SAMD13: variants seen among roughly 807,000 people sequenced by gnomAD.
SAMD13 encodes sterile alpha motif domain-containing protein 13.
A neutral mutation model predicts 12.4 loss-of-function variants in SAMD13; 9 were observed. The observed-to-expected ratio is 0.72, with a 90% CI of 0.44 to 1.26. The LOEUF (loss-of-function observed/expected upper bound fraction) is 1.26, where lower values mean the gene tolerates loss of function less well. SAMD13 is among the 50% of genes most tolerant of loss of function. SAMD13 has a pLI of 0.00. For synonymous variants in SAMD13, 46 were observed against 45.4 expected, an observed-to-expected ratio of 1.01 and a Z score of -0.05; for missense variants, 84 against 119.6, an observed-to-expected ratio of 0.70 and a Z score of 1.39.
At chr1:84,310,937 C>T (rs1678695899) in intron 2 of SAMD13, among the ~76,000 whole-genome samples, 1 of 152,132 alleles carries the variant, frequency 6.6e-6, no homozygotes, top group Non-Finnish European at 1.5e-5. Context: ...TTTTGTTCCT[C>T]TTTAGCTAGG....
At chr1:84,322,284 CAATGA>C (rs1162847376) in intron 2 of SAMD13, among the ~76,000 whole-genome samples, 1 of 152,044 alleles carries the variant, frequency 6.6e-6, no homozygotes, top group Non-Finnish European at 1.5e-5. Context: ...TCTGTTGTGT[CAATGA>C]ATAAGTATAG....
rs138269833 is a variant in SAMD13 at position 84,303,847 on chromosome 1, G to A, written c.53+560G>A. ...TGAAACTTGTGTTTATATGTGTCAT[G>A]TAAGAGTTATATATTTGATTATTTT... On this transcript the variant is annotated intron_variant, in intron 2 of 3. Coordinates refer to ENST00000394834, the MANE Select transcript of SAMD13 (RefSeq NM_001134663.2). 1,063 of 152,376 alleles carry A rather than the reference G, an allele frequency of 7.0e-3. 17 individuals carry two copies. Among genetic ancestry groups the A allele is most frequent in the African/African-American group, 0.024 (983 of 41,540 alleles). 9.4% of individuals were successfully genotyped at this position (152,376 alleles called of 1,614,324 possible).
upstream of SAMD13, among the ~76,000 whole-genome samples, chr1:84,298,925 T>C (rs1057190106): frequency 6.6e-6 from 1 of 152,010 alleles, no homozygotes; most frequent in African/African-American, 2.4e-5. Context: ...GCCCCCACAC[T>C]AAACGCCAGC....
intron 3 of SAMD13, among the ~76,000 whole-genome samples, chr1:84,333,406 C>T (rs1169011274): frequency 6.6e-6 from 1 of 152,092 alleles, no homozygotes; most frequent in Non-Finnish European, 1.5e-5. Context: ...TTGTAGTTCT[C>T]ATTGTAAAGA....
chr1:84,347,565 T>C (rs1195364736), intron 3 of SAMD13, among the ~76,000 whole-genome samples: 1 of 152,218 alleles, frequency 6.6e-6, no homozygotes, highest in Non-Finnish European at 1.5e-5. Flanking sequence ...ATGAAAGCAG[T>C]GTCATCTCTT....
At chr1:84,322,143 C>T (rs1352868254) in intron 2 of SAMD13, among the ~76,000 whole-genome samples, 1 of 152,204 alleles carries the variant, frequency 6.6e-6, no homozygotes, top group Admixed American at 6.5e-5. Flanking sequence ...GAATATTCCT[C>T]AGAGCTAGCT....
At chr1:84,302,970 G>A (rs1390259662) in intron 1 of SAMD13, 2 of 370,122 alleles carry the variant, frequency 5.4e-6, no homozygotes, top group African/African-American at 2.0e-5. Flanking sequence ...ATTTGCAAAT[G>A]CTTATTGTCA....
chr1:84,337,309 C>T (rs772762218), intron 3 of SAMD13, among the ~76,000 whole-genome samples: 4 of 152,182 alleles, frequency 2.6e-5, no homozygotes, highest in African/African-American at 7.2e-5. Flanking sequence ...CATGAAAGCC[C>T]CACCCTTGCA....
At chr1:84,341,815 A>G (rs1679432590) in intron 3 of SAMD13, among the ~76,000 whole-genome samples, 1 of 152,150 alleles carries the variant, frequency 6.6e-6, no homozygotes, top group African/African-American at 2.4e-5. Flanking sequence ...TGATGACATG[A>G]TAAGAAGAGG....
chr1:84,344,585 C>T (rs576598577), intron 3 of SAMD13: 6 of 279,946 alleles, frequency 2.1e-5, no homozygotes, highest in Non-Finnish European at 4.2e-5. Flanking sequence ...TTGGTGTAAA[C>T]TTGAATAGTT....
At chr1:84,315,008 TTC>T (rs934508155) in intron 2 of SAMD13, among the ~76,000 whole-genome samples, 1 of 138,940 alleles carries the variant, frequency 7.2e-6, no homozygotes, top group East Asian at 2.5e-4. Context: ...CTTTCTCTCC[TTC>T]TCTCTTTCTT....
upstream of SAMD13, among the ~76,000 whole-genome samples, chr1:84,298,961 G>C (rs917190910): frequency 5.9e-5 from 9 of 152,132 alleles, no homozygotes; most frequent in African/African-American, 2.2e-4. Context: ...GAAAGTCTTA[G>C]CCAGAAACTT....
At chr1:84,303,650 G>T (rs76465400) in intron 2 of SAMD13, 3,434 of 172,540 alleles carry the variant, frequency 0.02, 129 homozygotes, top group African/African-American at 0.076. Context: ...TTTTTTTTTT[G>T]AAATACAATC....
intron 3 of SAMD13, among the ~76,000 whole-genome samples, chr1:84,335,620 T>C (rs969788751): frequency 6.6e-6 from 1 of 152,168 alleles, no homozygotes; most frequent in African/African-American, 2.4e-5. Context: ...GACTTGATTG[T>C]GTAGTTGACT....
At chr1:84,298,548 C>A, upstream of SAMD13, 1 of 1,269,000 alleles carries the variant, frequency 7.9e-7, no homozygotes, top group Non-Finnish European at 1.0e-6. Flanking sequence ...GCAAACCTCC[C>A]GGCGCGGCCA....
intron 2 of SAMD13, chr1:84,304,001 C>T (rs1678507205): frequency 6.6e-6 from 1 of 152,020 alleles, no homozygotes; most frequent in Admixed American, 6.6e-5. Context: ...AAAGTGAGTT[C>T]CAAGAGGGAG....
At chr1:84,299,652 C>T (rs1455498569), upstream of SAMD13, 3 of 1,118,358 alleles carry the variant, frequency 2.7e-6, no homozygotes, top group Admixed American at 2.5e-5. Flanking sequence ...TGTGTGAGTA[C>T]TAGTGTATAT....
At chr1:84,298,609 C>T (rs1171749629), upstream of SAMD13, 8 of 1,277,698 alleles carry the variant, frequency 6.3e-6, no homozygotes, top group East Asian at 8.7e-5. Flanking sequence ...GGAAGGCGCC[C>T]GCCCTCTCCT....
At position 84,327,181 on chromosome 1, in the gene SAMD13, C is replaced by T. The variant is rs1055581332; in HGVS notation, c.165+1433C>T. The stretch of plus-strand genomic sequence containing the variant: ...TATCACAATGGTCAAAAATTTGAAG[C>T]CTAGGTGTACATCAATAGGAGAATG... On this transcript the variant is annotated intron_variant, in intron 3 of 3. Transcript: ENST00000394834. Among the ~76,000 whole-genome samples the T allele has an allele frequency of 2.0e-5, 3 of 152,048 alleles. No individual in the cohort carries two copies. The South Asian group carries it at 6.2e-4, about 32-fold the overall frequency.
Sources: allele counts gnomAD v4.1 joint callset (sites outside exome capture counted in the v4.1 genomes callset), GRCh38; gene constraint gnomAD v4.1.1; transcripts MANE v1.5; gene names NCBI Gene and HGNC (gene_info 2026-07-23, HGNC 2026-07-21).